ECI2: variants seen among roughly 807,000 people sequenced by gnomAD.
ECI2 encodes the protein enoyl-CoA delta isomerase 2.
Under a neutral mutation model 38.4 loss-of-function variants are expected in ECI2, and 27 were observed. The ratio of observed to expected loss-of-function variants is 0.70; its 90% CI spans 0.52 to 0.97. The LOEUF is 0.97. Ranked by LOEUF, ECI2 falls within the 50% of genes least tolerant of loss-of-function variation. The pLI, the probability that ECI2 is intolerant of heterozygous loss-of-function variation, is 0.00. For synonymous variants in ECI2, 168 were observed against 172.0 expected, an observed-to-expected ratio of 0.98 and a Z score of 0.18; for missense variants, 470 against 474.4, an observed-to-expected ratio of 0.99 and a Z score of 0.09.
chr6:4,125,461 C>T, intron 6 of ECI2, 91 bp from the exon 7 acceptor site: 1 of 1,558,084 alleles, frequency 6.4e-7, no homozygotes, highest in Admixed American at 1.7e-5. Context: ...ATAAAGCCTT[C>T]TGTCAGGCTG....
chr6:4,116,465 T>C (rs752672296), intron 9 of ECI2, among the ~76,000 whole-genome samples: 7 of 149,318 alleles, frequency 4.7e-5, no homozygotes, highest in African/African-American at 7.4e-5. Context: ...TTCTGAGACA[T>C]AGTCTCACTC....
At chr6:4,131,417 A>C (rs564155622) in intron 2 of ECI2, among the ~76,000 whole-genome samples, 2 of 152,336 alleles carry the variant, frequency 1.3e-5, no homozygotes, top group South Asian at 4.1e-4. Flanking sequence ...AAAAGGAATT[A>C]AATTTTATTT....
Position 4,130,580 on chromosome 6 carries a change from C to G in ECI2, c.313-20G>C, listed in dbSNP as rs199721621. The G allele has an allele frequency of 8.1e-6, 13 of 1,614,138 alleles. No individual in the cohort carries two copies. Among genetic ancestry groups the G allele is most frequent in the Non-Finnish European group, 9.3e-6 (11 of 1,180,028 alleles). On this transcript the variant is annotated intron_variant, in intron 3 of 9. Coordinates refer to ENST00000380118, the MANE Select transcript of ECI2 (RefSeq NM_206836.3). ...AGCTTCCTGAACGGACGATGACAAA[C>G]AACCTCAGCCCATGGTCAATGAATA...
chr6:4,123,246 G>T (rs757119352), intron 7 of ECI2, among the ~76,000 whole-genome samples: 1 of 151,298 alleles, frequency 6.6e-6, no homozygotes, highest in Admixed American at 6.6e-5. Context: ...GTACGATCTC[G>T]GCTCACTGCA....
intron 4 of ECI2, among the ~76,000 whole-genome samples, chr6:4,129,597 T>C (rs1043496859): frequency 1.3e-5 from 2 of 152,178 alleles, no homozygotes; most frequent in African/African-American, 4.8e-5. Flanking sequence ...CTATTATTAT[T>C]ATAGTTGTAG....
At chr6:4,119,423 C>T (rs967329277) in intron 7 of ECI2, 148 bp from the exon 8 acceptor site, 8 of 548,226 alleles carry the variant, frequency 1.5e-5, no homozygotes, top group African/African-American at 1.9e-5. Flanking sequence ...TGGGTTCAAG[C>T]GATTCTCCTG....
chr6:4,122,941 T>C (rs925012099), intron 7 of ECI2, among the ~76,000 whole-genome samples: 4 of 152,328 alleles, frequency 2.6e-5, no homozygotes, highest in Middle Eastern at 6.8e-3. Flanking sequence ...TTCTACCTTT[T>C]TCTTAACTCA....
rs756545311 is a variant in ECI2 at position 4,130,721 on chromosome 6, T to G, written c.312+46A>C. 7 of 1,610,294 alleles carry G rather than the reference T, an allele frequency of 4.3e-6. No individual in the cohort carries two copies. In the South Asian group the frequency reaches 5.5e-5, roughly 13 times the overall value. On this transcript the variant is annotated intron_variant, in intron 3 of 9. Transcript: ENST00000380118. Reference sequence around the variant, plus strand: ...AATGGCTTAATGAGAAGCACAAACTTCTTTAGAAGTACAGCAAATAAAAGC... The same window carrying G: ...AATGGCTTAATGAGAAGCACAAACTGCTTTAGAAGTACAGCAAATAAAAGC...
At chr6:4,122,811 C>T (rs1048473918) in intron 7 of ECI2, among the ~76,000 whole-genome samples, 4 of 152,170 alleles carry the variant, frequency 2.6e-5, no homozygotes, top group Non-Finnish European at 4.4e-5. Flanking sequence ...CTTCTTTCAT[C>T]GGGCTACTCT....
rs751611381 is a variant in ECI2 at position 4,122,095 on chromosome 6, A to G, written c.796-2820T>C. On this transcript the variant is annotated intron_variant, in intron 7 of 9. Coordinates refer to ENST00000380118, the MANE Select transcript of ECI2 (RefSeq NM_206836.3). Reference sequence around the variant, plus strand: ...CAGCATTTAAAATGCTGATTTTCAGAAAGAGAGCAGCAGGTGGAGTTAAGG... The same window carrying G: ...CAGCATTTAAAATGCTGATTTTCAGGAAGAGAGCAGCAGGTGGAGTTAAGG... 66 of 1,184,550 alleles carry G rather than the reference A, an allele frequency of 5.6e-5. No individual in the cohort carries two copies. In the East Asian group the frequency reaches 1.6e-3, roughly 28 times the overall value. 73.4% of individuals were successfully genotyped at this position (1,184,550 alleles called of 1,614,324 possible). A position where few individuals can be genotyped will look rare whatever the true frequency, so the allele number is the denominator to read the frequency against.
rs1773681417 is a variant in ECI2, at chr6:4,135,492, G to A, written c.50+19C>T. On this transcript the variant is annotated intron_variant, in intron 1 of 9. Coordinates refer to ENST00000380118, the MANE Select transcript of ECI2 (RefSeq NM_206836.3). ...CCTGCGGGCGACCATGGGCCGAACGGCCGGGACTCCAAGCTTACCTCGGAC... is the reference window on the plus strand; with the variant it reads ...CCTGCGGGCGACCATGGGCCGAACGACCGGGACTCCAAGCTTACCTCGGAC... 1 of 1,611,138 alleles carries A rather than the reference G, an allele frequency of 6.2e-7. No homozygotes were observed. Among genetic ancestry groups the A allele is most frequent in the Admixed American group, 1.7e-5 (1 of 59,952 alleles).
intron 2 of ECI2, 67 bp downstream of exon 2, chr6:4,133,482 C>A: frequency 6.5e-7 from 1 of 1,530,366 alleles, no homozygotes; most frequent in Non-Finnish European, 8.8e-7. Flanking sequence ...AGTAAACACA[C>A]AGTGTATTTA....
chr6:4,121,815 G>C (rs1772791750), intron 7 of ECI2: 1 of 375,890 alleles, frequency 2.7e-6, no homozygotes, highest in Non-Finnish European at 4.9e-6. Flanking sequence ...CCTATAATCA[G>C]ACACGCTGTT....
At chr6:4,125,524 G>A in intron 6 of ECI2, 154 bp from the exon 7 acceptor site, 1 of 1,081,146 alleles carries the variant, frequency 9.2e-7, no homozygotes, top group Non-Finnish European at 1.3e-6. Context: ...CACTTCCCTG[G>A]TCTTCCGCAC....
intron 1 of ECI2, 88 bp downstream of exon 1, chr6:4,135,423 G>A: frequency 1.9e-6 from 3 of 1,604,830 alleles, no homozygotes; most frequent in Non-Finnish European, 2.6e-6. Flanking sequence ...CAATAGGGAA[G>A]GAGGGTCTTC....
chr6:4,129,491 A>G (rs553822700), intron 4 of ECI2, among the ~76,000 whole-genome samples: 1 of 152,248 alleles, frequency 6.6e-6, no homozygotes, highest in South Asian at 2.1e-4. Flanking sequence ...TAATTATTTT[A>G]TTGTTAAGTA....
At chr6:4,126,038 C>A in intron 6 of ECI2, 97 bp downstream of exon 6, 1 of 944,228 alleles carries the variant, frequency 1.1e-6, no homozygotes. Context: ...ACTGCACTGA[C>A]ACAGAGAAGC....
In ECI2 at chr6:4,130,813, T is replaced by A. The variant is rs1396204734; in HGVS notation, c.266A>T (p.Asn89Ile). 6.2e-7 allele frequency: 1 copy of A among 1,614,140 alleles called. No individual in the cohort carries two copies. Among genetic ancestry groups the A allele is most frequent in the African/African-American group, 1.3e-5 (1 of 74,944 alleles). The change falls in exon 3 of 10, where the codon AAC becomes ATC. Residue 89 changes from asparagine to isoleucine, a missense_variant. Asn to Ile is a moderately radical substitution (Grantham distance 149). Transcript: ENST00000380118. ...ATTCCATGCGTCCCATTTGGCCTTG[T>A]TGATCAAGTCAAATACACCTGGTTT... ...MPKPGVFDLI[N>I]KAKWDAWNAL...
chr6:4,125,499 G>T lies in ECI2; in HGVS notation c.675-129C>A, dbSNP rs571595270. 31 of 1,331,248 alleles carry T rather than the reference G, an allele frequency of 2.3e-5. No individual in the cohort carries two copies. The East Asian group carries it at 7.2e-4, about 31-fold the overall frequency. The allele number at this position is 1,331,248 out of a possible 1,614,324, so 82.5% of individuals were successfully genotyped here. A position where few individuals can be genotyped will look rare whatever the true frequency, so the allele number is the denominator to read the frequency against. On this transcript the variant is annotated intron_variant, in intron 6 of 9. Transcript: ENST00000380118. Reference sequence around the variant, plus strand: ...TGTTTCCACAGCCACCACCAGCAGTGCCTCCTTGTCCTGCCACTTCCCTGG... The same window carrying T: ...TGTTTCCACAGCCACCACCAGCAGTTCCTCCTTGTCCTGCCACTTCCCTGG...
Sources: allele counts gnomAD v4.1 joint callset (sites outside exome capture counted in the v4.1 genomes callset), GRCh38; gene constraint gnomAD v4.1.1; transcripts MANE v1.5; gene names NCBI Gene and HGNC (gene_info 2026-07-23, HGNC 2026-07-21).